The following SLCO4C1 variants were observed in gnomAD, a reference collection of about 807,000 sequenced individuals.
SLCO4C1 encodes solute carrier organic anion transporter family member 4C1, also known as organic anion transporter M1.
In SLCO4C1, 58 loss-of-function variants were observed where a neutral mutation model predicts 72.1. That is an observed-to-expected ratio of 0.80 (90% CI 0.65 to 1.00). SLCO4C1 has a LOEUF of 1.00. Ranked by LOEUF, SLCO4C1 falls within the 50% of genes least tolerant of loss-of-function variation. SLCO4C1 has a pLI of 0.00. For missense variants in SLCO4C1, 898 were observed against 857.9 expected (o/e 1.05, Z -0.58); for synonymous variants, 297 against 312.5 (o/e 0.95, Z 0.52).
chr5:102,274,949 T>G (rs1580260394), intron 2 of SLCO4C1, among the ~76,000 whole-genome samples: 2 of 152,220 alleles, frequency 1.3e-5, no homozygotes, highest in African/African-American at 4.8e-5. Context: ...CTGTCATCTC[T>G]GGTACCACAT....
rs930002595 is a variant in SLCO4C1, at chr5:102,236,181, T to C, written c.*677A>G. ...GAATTCTTGAGTTAAAGTGAAAATA[T>C]GTGTATACAATGCTGATGTTTCTGT... On this transcript the variant is annotated 3_prime_UTR_variant, in exon 13 of 13. Coordinates refer to ENST00000310954, the MANE Select transcript of SLCO4C1 (RefSeq NM_180991.5). 6.6e-6 allele frequency: 1 copy of C among 152,232 alleles called. No individual in the cohort carries two copies. The highest frequency in any genetic ancestry group is 1.5e-5 in the Non-Finnish European group (1 of 68,044). The allele number at this position is 152,232 out of a possible 1,614,324, so 9.4% of individuals were successfully genotyped here.
intron 3 of SLCO4C1, among the ~76,000 whole-genome samples, 200 bp downstream of exon 3, chr5:102,270,424 G>A (rs1356445213): frequency 2.0e-5 from 3 of 151,966 alleles, no homozygotes; most frequent in Non-Finnish European, 4.4e-5. Context: ...ATACAGCAGA[G>A]GATCAACAAA....
At position 102,260,283 on chromosome 5, in the gene SLCO4C1, G is replaced by C. The variant is rs781081532; in HGVS notation, c.1058C>G (p.Ala353Gly). ...AEIQAGKTSQ[A>G]HQSNSNADVK... ...ATCTGCATTACTATTACTCTGATGA[G>C]CCTGGGAAGTTTTTCCAGCTTGAAT... Residue 353 changes from alanine (A) to glycine (G), a missense_variant, in exon 6 of 13, where the codon GCT becomes GGT. Ala to Gly is a moderately conservative substitution (Grantham distance 60). Transcript: ENST00000310954. 7.3e-7 allele frequency: 1 copy of C among 1,372,050 alleles called. No individual in the cohort carries two copies. Among genetic ancestry groups the C allele is most frequent in the Admixed American group, 2.5e-5 (1 of 39,558 alleles). The allele number at this position is 1,372,050 out of a possible 1,614,324, so 85.0% of individuals were successfully genotyped here.
chr5:102,292,314 C>T (rs1749572052), intron 1 of SLCO4C1, among the ~76,000 whole-genome samples: 1 of 152,060 alleles, frequency 6.6e-6, no homozygotes, highest in Non-Finnish European at 1.5e-5. Flanking sequence ...TCCCATGGAC[C>T]TCACTCAGAA....
intron 10 of SLCO4C1, among the ~76,000 whole-genome samples, chr5:102,242,338 C>T (rs150786994): frequency 5.3e-5 from 8 of 152,294 alleles, no homozygotes; most frequent in South Asian, 2.1e-4. Context: ...TGGAGGCACA[C>T]GTGACATACT....
At chr5:102,276,383 CCAGCGGTGGTCTG>C (rs1341692212) in intron 2 of SLCO4C1, among the ~76,000 whole-genome samples, 1 of 152,086 alleles carries the variant, frequency 6.6e-6, no homozygotes, top group East Asian at 1.9e-4. Context: ...AGTGTTAGCC[CCAGCGGTGGTCTG>C]CATCGAAGGT....
intron 2 of SLCO4C1, among the ~76,000 whole-genome samples, chr5:102,278,220 T>A (rs528409583): frequency 6.6e-6 from 1 of 152,140 alleles, no homozygotes; most frequent in African/African-American, 2.4e-5. Context: ...CATATTAATA[T>A]CAGCTGAAAC....
chr5:102,263,458 A>G lies in SLCO4C1; in HGVS notation c.899+226T>C, dbSNP rs1266622643. 5.3e-5 allele frequency among the ~76,000 whole-genome samples: 8 copies of G among 152,086 alleles called. No individual in the cohort carries two copies. The East Asian group carries it at 1.5e-3, about 29-fold the overall frequency. ...ATTTCACCAGATGACTTTATTAAAT[A>G]TTATTTATGAAAATATGTTATTATA... On this transcript the variant is annotated intron_variant, in intron 4 of 12. Transcript: ENST00000310954.
At chr5:102,282,905 T>C (rs1337442117) in intron 2 of SLCO4C1, among the ~76,000 whole-genome samples, 1 of 152,034 alleles carries the variant, frequency 6.6e-6, no homozygotes, top group Non-Finnish European at 1.5e-5. Context: ...CTTTATTCCA[T>C]TTTTGTTTGT....
chr5:102,260,158 G>T, intron 6 of SLCO4C1, 55 bp downstream of exon 6: 2 of 413,578 alleles, frequency 4.8e-6, no homozygotes, highest in Non-Finnish European at 7.4e-6. Context: ...GTGTGTGTGT[G>T]TATATGTGTG....
chr5:102,283,451 T>C (rs765338823), intron 2 of SLCO4C1, among the ~76,000 whole-genome samples: 23 of 152,030 alleles, frequency 1.5e-4, no homozygotes, highest in Non-Finnish European at 2.5e-4. Flanking sequence ...GATGAACTAA[T>C]AGCATTAAAA....
chr5:102,289,355 G>A (rs709371), intron 2 of SLCO4C1, among the ~76,000 whole-genome samples: 74,232 of 151,946 alleles, frequency 0.49, 19,348 homozygotes, highest in African/African-American at 0.67. Context: ...TGGCAAGAGA[G>A]GAAGCTGAGA....
intron 3 of SLCO4C1, among the ~76,000 whole-genome samples, chr5:102,266,223 T>C (rs1201958059): frequency 6.6e-6 from 1 of 152,174 alleles, no homozygotes; most frequent in African/African-American, 2.4e-5. Context: ...TAGATGTTTT[T>C]ATGTAAGACT....
intron 3 of SLCO4C1, 40 bp from the exon 4 acceptor site, chr5:102,263,820 C>A: frequency 1.4e-6 from 2 of 1,468,270 alleles, no homozygotes; most frequent in South Asian, 1.2e-5. Context: ...GTCATATGTA[C>A]AACTTCACTT....
chr5:102,250,327 G>A (rs1748714934), intron 8 of SLCO4C1, among the ~76,000 whole-genome samples: 2 of 152,154 alleles, frequency 1.3e-5, no homozygotes, highest in South Asian at 4.1e-4. Flanking sequence ...AATTTTCCCA[G>A]TCCCCAGGCT....
At chr5:102,270,528 A>C in intron 3 of SLCO4C1, 96 bp downstream of exon 3, 1 of 1,067,636 alleles carries the variant, frequency 9.4e-7, no homozygotes, top group South Asian at 2.9e-5. Context: ...ATGGCATTAC[A>C]ACTAACTTTT....
At chr5:102,277,825 C>G (rs1749276931) in intron 2 of SLCO4C1, among the ~76,000 whole-genome samples, 1 of 148,930 alleles carries the variant, frequency 6.7e-6, no homozygotes, top group Non-Finnish European at 1.5e-5. Context: ...TAATGCAGTA[C>G]CTAGAAAAAA....
At chr5:102,252,351 A>G (rs976854081) in intron 8 of SLCO4C1, among the ~76,000 whole-genome samples, 3 of 152,176 alleles carry the variant, frequency 2.0e-5, no homozygotes, top group African/African-American at 7.2e-5. Context: ...CTAAATCAGT[A>G]GGGAGTCTGA....
At chr5:102,239,058 G>A (rs1748488974) in intron 12 of SLCO4C1, among the ~76,000 whole-genome samples, 193 bp downstream of exon 12, 1 of 152,108 alleles carries the variant, frequency 6.6e-6, no homozygotes. Flanking sequence ...ACTGAGCCTT[G>A]CAAACTCCAT....
Sources: gnomAD v4.1 joint callset for allele counts (sites outside exome capture counted in the v4.1 genomes callset) on GRCh38, gnomAD v4.1.1 for gene constraint, MANE v1.5 for transcripts, NCBI Gene and HGNC (gene_info 2026-07-23, HGNC 2026-07-21) for gene names.